The following TAF11L12 variants were observed in gnomAD, a reference collection of about 807,000 sequenced individuals.
TAF11L12 encodes the protein TATA-box-binding protein-associated factor 11-like protein 12.
chr5:17,611,604 G>A, downstream of TAF11L12: 1 of 398,000 alleles, frequency 2.5e-6, no homozygotes, highest in Non-Finnish European at 4.4e-6. Flanking sequence ...AGAGGGAAGG[G>A]TCTGTTTGTG....
In TAF11L12 at chr5:17,611,087, A is replaced by T. The variant is rs189261663; in HGVS notation, c.98A>T (p.Asp33Val). The T allele has an allele frequency of 2.8e-3, 1,132 of 397,910 alleles. 51 individuals carry two copies. Among genetic ancestry groups the T allele is most frequent in the African/African-American group, 0.021 (1,031 of 48,312 alleles). 24.6% of individuals were successfully genotyped at this position (397,910 alleles called of 1,614,324 possible). Residue 33 changes from aspartate to valine, a missense_variant, in exon 1 of 1, where the codon GAT becomes GTT. Asp to Val is a radical substitution (Grantham distance 152). Transcript: ENST00000503184. ...AAGGATGGAATCCCTGAGGACCTAG[A>T]TGGGAACTTGGAAGAACCCAGGGAT...
chr5:17,610,696 G>C (rs1461898265), exon 1 of TAF11L12: 1 of 279,498 alleles, frequency 3.6e-6, no homozygotes. Context: ...CTGTGAGCTG[G>C]TGTTTGTTTT....
At chr5:17,611,565 T>C (rs1250611993) in exon 1 of TAF11L12, 9 of 397,782 alleles carry the variant, frequency 2.3e-5, no homozygotes, top group South Asian at 1.3e-4. Context: ...ACAGCAACTA[T>C]AAAAAAATCA....
downstream of TAF11L12, among the ~76,000 whole-genome samples, chr5:17,611,800 A>G: frequency 6.6e-6 from 1 of 151,318 alleles, no homozygotes; most frequent in Non-Finnish European, 1.5e-5. Flanking sequence ...CCAGGGGCAT[A>G]TTGAGGCATT....
At chr5:17,611,545 C>G (rs1299309884) in exon 1 of TAF11L12, 4 of 397,902 alleles carry the variant, frequency 1.0e-5, no homozygotes, top group East Asian at 7.1e-5. Flanking sequence ...GCCCAAGGGC[C>G]TCTTCCCCAA....
At chr5:17,612,039 T>C (rs1402210320), downstream of TAF11L12, among the ~76,000 whole-genome samples, 5 of 151,594 alleles carry the variant, frequency 3.3e-5, no homozygotes, top group African/African-American at 9.7e-5. Flanking sequence ...AATGCTCATA[T>C]GTATTTGTTT....
Position 17,610,731 on chromosome 5 carries a change from T to G in TAF11L12, c.-259T>G, listed in dbSNP as rs563591730. On this transcript the variant is annotated 5_prime_UTR_variant, in exon 1 of 1. Coordinates refer to ENST00000503184, the Ensembl canonical transcript of TAF11L12. The stretch of plus-strand genomic sequence containing the variant: ...TAAATATCCAAAATTGGTGAGAATT[T>G]ATTCTGCATTGATCTAAAACTAATA... 7.6e-4 allele frequency: 255 copies of G among 337,244 alleles called. 6 individuals carry two copies. The highest frequency in any genetic ancestry group is 6.8e-3 in the Middle Eastern group (9 of 1,324). The allele number at this position is 337,244 out of a possible 1,614,324, so 20.9% of individuals were successfully genotyped here. A position where few individuals can be genotyped will look rare whatever the true frequency, so the allele number is the denominator to read the frequency against.
At chr5:17,611,587 C>T (rs938762636), downstream of TAF11L12, 6 of 398,028 alleles carry the variant, frequency 1.5e-5, no homozygotes, top group East Asian at 2.1e-4. Context: ...GTTCTAAGCC[C>T]AAGGCCAGAG....
At chr5:17,611,252 C>G in exon 1 of TAF11L12, 1 of 398,258 alleles carries the variant, frequency 2.5e-6, no homozygotes, top group Non-Finnish European at 4.4e-6. Flanking sequence ...ACCGTGGATG[C>G]AGAGGAGGCT....
exon 1 of TAF11L12, chr5:17,611,182 G>T (rs147867780): frequency 2.5e-6 from 1 of 398,038 alleles, no homozygotes; most frequent in African/African-American, 2.1e-5. Context: ...ATCAGCCTCA[G>T]CTCCTCCTGC....
At chr5:17,611,793 G>C (rs1436715488), downstream of TAF11L12, among the ~76,000 whole-genome samples, 2 of 151,448 alleles carry the variant, frequency 1.3e-5, no homozygotes, top group Non-Finnish European at 3.0e-5. Flanking sequence ...TGGGACTCCA[G>C]GGGCATATTG....
chr5:17,610,968 G>C (rs1310313027), exon 1 of TAF11L12: 2 of 397,682 alleles, frequency 5.0e-6, no homozygotes, highest in African/African-American at 4.2e-5. Flanking sequence ...CTGCTGTCAC[G>C]GAGCAGACTT....
exon 1 of TAF11L12, chr5:17,611,486 C>T (rs755127897): frequency 4.0e-5 from 16 of 397,710 alleles, no homozygotes; most frequent in African/African-American, 1.5e-4. Context: ...TGGGGAGAAA[C>T]GCCCCCGCTG....
exon 1 of TAF11L12, chr5:17,610,883 C>T: frequency 5.0e-6 from 2 of 396,208 alleles, no homozygotes; most frequent in Non-Finnish European, 8.9e-6. Flanking sequence ...AGAAACACAG[C>T]AGCTCAACTC....
exon 1 of TAF11L12, chr5:17,611,163 C>T: frequency 2.5e-6 from 1 of 397,942 alleles, no homozygotes; most frequent in Non-Finnish European, 4.4e-6. Flanking sequence ...CAGAAGGTGA[C>T]AATGAAGCAT....
chr5:17,611,567 A>T (rs1257570328), exon 1 of TAF11L12: 1 of 398,020 alleles, frequency 2.5e-6, no homozygotes, highest in East Asian at 3.6e-5. Context: ...AGCAACTATA[A>T]AAAAATCATG....
At chr5:17,611,274 C>G in exon 1 of TAF11L12, 1 of 398,104 alleles carries the variant, frequency 2.5e-6, no homozygotes, top group Non-Finnish European at 4.4e-6. Flanking sequence ...AGATGACAAC[C>G]CTGCTGTATG....
exon 1 of TAF11L12, chr5:17,611,279 T>C (rs1437964690): frequency 2.5e-6 from 1 of 398,014 alleles, no homozygotes; most frequent in African/African-American, 2.1e-5. Context: ...ACAACCCTGC[T>C]GTATGCCATG....
chr5:17,611,342 A>G (rs1739272530), exon 1 of TAF11L12: 2 of 397,876 alleles, frequency 5.0e-6, no homozygotes, highest in South Asian at 1.3e-4. Flanking sequence ...GCTTTCCCAA[A>G]AGCACGCATT....
Sources: gnomAD v4.1 joint callset for allele counts (sites outside exome capture counted in the v4.1 genomes callset) on GRCh38, gnomAD v4.1.1 for gene constraint, MANE v1.5 for transcripts, NCBI Gene and HGNC (gene_info 2026-07-23, HGNC 2026-07-21) for gene names.